TTLL9: variants seen among roughly 807,000 people sequenced by gnomAD.
TTLL9 encodes the protein probable tubulin polyglutamylase TTLL9.
A neutral mutation model predicts 65.6 loss-of-function variants in TTLL9; 47 were observed. The ratio of observed to expected loss-of-function variants is 0.72; its 90% CI spans 0.57 to 0.91. The LOEUF (loss-of-function observed/expected upper bound fraction) is 0.91, where lower values mean the gene tolerates loss of function less well. TTLL9 is among the 40% of genes least tolerant of loss of function. The pLI is 0.00. For synonymous variants in TTLL9, 179 were observed against 204.8 expected, an observed-to-expected ratio of 0.87 and a Z score of 1.07; for missense variants, 537 against 568.8, an observed-to-expected ratio of 0.94 and a Z score of 0.57.
Position 31,943,542 on chromosome 20 carries a change from G to A in TTLL9, c.*521G>A. On this transcript the variant is annotated 3_prime_UTR_variant, in exon 15 of 15. Transcript: ENST00000535842. ...ACACAGCAAGCAGTTATTAGATTGT[G>A]TGTTTATTGGGGGCCTGGGGAAGTA... 5.8e-6 allele frequency: 2 copies of A among 344,672 alleles called. No homozygotes were observed. The highest frequency in any genetic ancestry group is 4.5e-5 in the South Asian group (2 of 44,292). 21.4% of individuals were successfully genotyped at this position (344,672 alleles called of 1,614,324 possible).
At chr20:31,934,411 C>T (rs1311101307) in intron 11 of TTLL9, 2 of 599,314 alleles carry the variant, frequency 3.3e-6, no homozygotes, top group East Asian at 7.3e-5. Context: ...CACACATGGT[C>T]AGTGTGGTCT....
At chr20:31,918,210 TAGAAG>T (rs1038631833) in intron 6 of TTLL9, among the ~76,000 whole-genome samples, 80 of 151,098 alleles carry the variant, frequency 5.3e-4, no homozygotes, top group Middle Eastern at 3.4e-3. Context: ...TGCTTGTAGT[TAGAAG>T]AGAAGTGATT....
chr20:31,938,134 C>T (rs987852133), intron 13 of TTLL9: 7 of 446,610 alleles, frequency 1.6e-5, no homozygotes, highest in Admixed American at 4.8e-5. Flanking sequence ...CTCTCCCTCC[C>T]TCCCTTCTCT....
rs779672385 is a variant in TTLL9, at chr20:31,909,956, G to A, written c.504+34G>A. On this transcript the variant is annotated intron_variant, in intron 6 of 14. Coordinates refer to ENST00000535842, the MANE Select transcript of TTLL9 (RefSeq NM_001008409.5). The stretch of plus-strand genomic sequence containing the variant: ...CCAGTGCCAGGGGCTGGGTGGGAGG[G>A]AATGAGTCCCAGGTGCCATAGCAGG... 8.0e-4 allele frequency: 528 copies of A among 658,752 alleles called. 39 individuals carry two copies. The highest frequency in any genetic ancestry group is 1.5e-3 in the Middle Eastern group (4 of 2,736). The allele number at this position is 658,752 out of a possible 1,614,324, so 40.8% of individuals were successfully genotyped here. A position where few individuals can be genotyped will look rare whatever the true frequency, so the allele number is the denominator to read the frequency against.
intron 4 of TTLL9, among the ~76,000 whole-genome samples, chr20:31,898,889 T>C (rs983825163): frequency 1.3e-5 from 2 of 152,256 alleles, no homozygotes; most frequent in African/African-American, 4.8e-5. Context: ...ACTAGGAATG[T>C]AGCTACCACA....
At chr20:31,920,229 GCACA>G (rs3046855) in intron 7 of TTLL9, among the ~76,000 whole-genome samples, 13 of 150,422 alleles carry the variant, frequency 8.6e-5, no homozygotes, top group Non-Finnish European at 1.3e-4. Context: ...GCAAACACGC[GCACA>G]CACACACACA....
Position 31,925,000 on chromosome 20 carries a change from GC to G in TTLL9, c.665-7del. 1 of 1,613,972 alleles carries G rather than the reference GC, an allele frequency of 6.2e-7. No individual in the cohort carries two copies. ...TGTTGCACAAATTAATTTTTTCCTT[GC>G]CTGACAGGCCGCAAGTTTGACCTGC... On this transcript the variant is annotated splice_region_variant and splice_polypyrimidine_tract_variant and intron_variant, in intron 8 of 14. Coordinates refer to ENST00000535842, the MANE Select transcript of TTLL9 (RefSeq NM_001008409.5).
intron 13 of TTLL9, chr20:31,938,028 C>CACTT (rs769844507): frequency 5.1e-6 from 2 of 392,628 alleles, no homozygotes; most frequent in Non-Finnish European, 1.0e-5. Context: ...TTCTCTCTCT[C>CACTT]TCTTTCTCTC....
chr20:31,893,313 C>A (rs1215904823), intron 3 of TTLL9, among the ~76,000 whole-genome samples: 1 of 132,114 alleles, frequency 7.6e-6, no homozygotes, highest in Non-Finnish European at 1.6e-5. Flanking sequence ...TTTTTTGAGA[C>A]AGAGTCTTGC....
rs1600639473 is a variant in TTLL9 at position 31,943,036 on chromosome 20, G to C, written c.*15G>C. 1 of 1,613,456 alleles carries C rather than the reference G, an allele frequency of 6.2e-7. No individual in the cohort carries two copies. The highest frequency in any genetic ancestry group is 8.5e-7 in the Non-Finnish European group (1 of 1,179,858). On this transcript the variant is annotated 3_prime_UTR_variant, in exon 15 of 15. Coordinates refer to ENST00000535842, the MANE Select transcript of TTLL9 (RefSeq NM_001008409.5). ...CTTCCAGTTGATCCCCAGCTGCCAG[G>C]AGGAAATCAGCCTTAGCAGGTGCCA...
chr20:31,884,102 G>T, intron 2 of TTLL9: 1 of 522,204 alleles, frequency 1.9e-6, no homozygotes, highest in South Asian at 3.5e-5. Context: ...TCAAATACAA[G>T]GTCAATATAC....
chr20:31,933,917 G>A lies in TTLL9; in HGVS notation c.807+59G>A, dbSNP rs2064061943. 16 of 1,535,726 alleles carry A rather than the reference G, an allele frequency of 1.0e-5. No individual in the cohort carries two copies. The South Asian group carries it at 1.9e-4, about 18-fold the overall frequency. On this transcript the variant is annotated intron_variant, in intron 11 of 14. Transcript: ENST00000535842. ...AGCCCTCTGGCGCCAGGTCGGGGTG[G>A]GGAGGGTGGAGTGGCAAGGAGCCCA...
chr20:31,900,672 T>G (rs186003974), intron 4 of TTLL9, among the ~76,000 whole-genome samples: 54 of 152,298 alleles, frequency 3.5e-4, no homozygotes, highest in African/African-American at 1.3e-3. Flanking sequence ...TCTCTTGTGA[T>G]CATGCTAATA....
Position 31,900,119 on chromosome 20 carries a change from G to A in TTLL9, c.206+1554G>A, listed in dbSNP as rs201581178. Among the ~76,000 whole-genome samples the A allele has an allele frequency of 3.3e-5, 5 of 152,290 alleles. No individual in the cohort carries two copies. The East Asian group carries it at 9.7e-4, about 29-fold the overall frequency. The stretch of plus-strand genomic sequence containing the variant: ...ACAGGCTACATTTTCCCAAGTAAAT[G>A]CTGAAAATTCTTTTACTGTAGAGAA... On this transcript the variant is annotated intron_variant, in intron 4 of 14. Transcript: ENST00000535842.
intron 2 of TTLL9, among the ~76,000 whole-genome samples, chr20:31,880,585 C>T (rs527378859): frequency 2.5e-4 from 38 of 151,894 alleles, no homozygotes; most frequent in Non-Finnish European, 4.9e-4. Flanking sequence ...CTCTGCCTCC[C>T]GGGTTCAAGC....
At chr20:31,878,953 T>G (rs181260886) in intron 2 of TTLL9, among the ~76,000 whole-genome samples, 4 of 152,302 alleles carry the variant, frequency 2.6e-5, no homozygotes. Context: ...CACATCTTTA[T>G]TAAGAGATGG....
intron 10 of TTLL9, among the ~76,000 whole-genome samples, chr20:31,931,078 CT>C (rs60315473): frequency 0.064 from 7,966 of 125,176 alleles, 680 homozygotes; most frequent in African/African-American, 0.21. Flanking sequence ...TCCTCTTTTC[CT>C]TTTTTTTTTT....
intron 4 of TTLL9, among the ~76,000 whole-genome samples, chr20:31,908,034 G>A (rs1313720149): frequency 1.3e-5 from 2 of 152,154 alleles, no homozygotes; most frequent in Non-Finnish European, 2.9e-5. Context: ...GGCAGAGCTG[G>A]GTGTGGGTCC....
intron 3 of TTLL9, among the ~76,000 whole-genome samples, chr20:31,888,210 C>T (rs2123420040): frequency 6.6e-6 from 1 of 152,188 alleles, no homozygotes; most frequent in Non-Finnish European, 1.5e-5. Flanking sequence ...TCTAAAGTCC[C>T]TCCTGGCTAT....
Sources: allele counts gnomAD v4.1 joint callset (sites outside exome capture counted in the v4.1 genomes callset), GRCh38; gene constraint gnomAD v4.1.1; transcripts MANE v1.5; gene names NCBI Gene and HGNC (gene_info 2026-07-23, HGNC 2026-07-21).